The following XRN1 variants were observed in gnomAD, a reference collection of about 807,000 sequenced individuals.
XRN1 encodes strand-exchange protein 1 homolog.
XRN1 carries 67 observed loss-of-function variants against 222.3 expected under a neutral mutation model. The ratio of observed to expected loss-of-function variants is 0.30; its 90% CI spans 0.25 to 0.37. The LOEUF (loss-of-function observed/expected upper bound fraction) is 0.37. Among genes scored for constraint, XRN1 ranks in the 10% least tolerant of loss-of-function variants. The pLI is 1.00. For missense variants in XRN1, 1,707 were observed against 2,000.2 expected, an observed-to-expected ratio of 0.85 and a Z score of 2.80; for synonymous variants, 643 against 652.4, an observed-to-expected ratio of 0.99 and a Z score of 0.22.
rs543667552 is a variant in XRN1 at position 142,325,101 on chromosome 3, T to C, written c.4404+4333A>G. Among the ~76,000 whole-genome samples, 5 of 152,296 alleles carry C rather than the reference T, an allele frequency of 3.3e-5. 1 individual carries two copies. In the East Asian group the frequency reaches 9.6e-4, roughly 29 times the overall value. On this transcript the variant is annotated intron_variant, in intron 37 of 40. Coordinates refer to ENST00000392981, the MANE Select transcript of XRN1 (RefSeq NM_001282857.2). Reference sequence around the variant, plus strand: ...ACCCAGCAGTGGAATTGCTGGATCATATGGTAGGTCTATTTTTATCTTTTT... The same window carrying C: ...ACCCAGCAGTGGAATTGCTGGATCACATGGTAGGTCTATTTTTATCTTTTT...
intron 26 of XRN1, among the ~76,000 whole-genome samples, chr3:142,370,880 A>C (rs935437745): frequency 6.6e-6 from 1 of 151,678 alleles, no homozygotes; most frequent in Non-Finnish European, 1.5e-5. Flanking sequence ...GCAAAAAAAC[A>C]AAACAAAACA....
At chr3:142,332,024 C>A (rs968829989) in intron 36 of XRN1, among the ~76,000 whole-genome samples, 1 of 152,192 alleles carries the variant, frequency 6.6e-6, no homozygotes, top group Non-Finnish European at 1.5e-5. Flanking sequence ...GATCCGCCTG[C>A]CTCAGCTTCC....
intron 1 of XRN1, among the ~76,000 whole-genome samples, chr3:142,445,128 T>C (rs2108222445): frequency 6.6e-6 from 1 of 152,326 alleles, no homozygotes; most frequent in South Asian, 2.1e-4. Context: ...ATTTCATCTT[T>C]CCACTGCCGA....
chr3:142,328,819 C>T (rs1306647014), intron 37 of XRN1, among the ~76,000 whole-genome samples: 2 of 136,276 alleles, frequency 1.5e-5, no homozygotes, highest in East Asian at 4.6e-4. Context: ...AGTGCAATGG[C>T]ATAATCGTGG....
chr3:142,424,829 T>G (rs1353428159), intron 5 of XRN1, among the ~76,000 whole-genome samples: 1 of 147,976 alleles, frequency 6.8e-6, no homozygotes, highest in Non-Finnish European at 1.5e-5. Flanking sequence ...CTATTTTTGT[T>G]TATGCTTGAA....
At chr3:142,400,579 A>G (rs764524354) in intron 18 of XRN1, 32 bp from the exon 19 acceptor site, 2 of 1,567,954 alleles carry the variant, frequency 1.3e-6, no homozygotes, top group East Asian at 2.2e-5. Flanking sequence ...TTCATTCATG[A>G]TTTCAGGTCT....
At chr3:142,401,892 T>C (rs1577369223) in intron 18 of XRN1, among the ~76,000 whole-genome samples, 1 of 152,334 alleles carries the variant, frequency 6.6e-6, no homozygotes, top group Non-Finnish European at 1.5e-5. Context: ...CAGATCTTAT[T>C]TGAGTTTTTA....
intron 18 of XRN1, among the ~76,000 whole-genome samples, chr3:142,401,102 T>C (rs2068112134): frequency 6.6e-6 from 1 of 152,134 alleles, no homozygotes. Context: ...TCATATCAAA[T>C]AGTCAATTAT....
At position 142,423,581 on chromosome 3, in the gene XRN1, A is replaced by C. The variant is rs2069126522; in HGVS notation, c.689T>G (p.Phe230Cys). Residue 230 changes from phenylalanine (F) to cysteine (C), a missense_variant, in exon 6 of 41, where the codon TTT becomes TGT. By Grantham distance (205) the Phe-to-Cys change is radical. Coordinates refer to ENST00000392981, the MANE Select transcript of XRN1 (RefSeq NM_001282857.2). ...HFSLLREEVR[F>C]GGKKTQRVCA... Reference sequence around the variant, plus strand: ...TTACCGTTGTGTTTTTTTGCCACCAAATCGAACTTCTTCTCTTAAGAGAGA... The same window carrying C: ...TTACCGTTGTGTTTTTTTGCCACCACATCGAACTTCTTCTCTTAAGAGAGA... 6.2e-7 allele frequency: 1 copy of C among 1,600,926 alleles called. No individual in the cohort carries two copies. Among genetic ancestry groups the C allele is most frequent in the Admixed American group, 1.7e-5 (1 of 57,528 alleles).
At chr3:142,329,699 G>C in intron 36 of XRN1, 84 bp from the exon 37 acceptor site, 1 of 1,341,484 alleles carries the variant, frequency 7.5e-7, no homozygotes, top group Non-Finnish European at 9.9e-7. Flanking sequence ...TTATAGAAGA[G>C]CAAGCAGGAA....
At chr3:142,357,385 A>C (rs1447848521) in intron 30 of XRN1, among the ~76,000 whole-genome samples, 2 of 152,150 alleles carry the variant, frequency 1.3e-5, no homozygotes, top group East Asian at 3.9e-4. Context: ...GTCGTTAAGA[A>C]GCTTGCATCT....
Position 142,432,759 on chromosome 3 carries a change from C to T in XRN1, c.210G>A (p.Val70=), listed in dbSNP as rs1452214841. ...IFTDIFHYLE[V]LFRIIKPRKV... ...TCCTGGGTTTAATAATGCGAAACAA[C>T]ACCTCCAGGTAGTGAAAAATATCAG... Residue 70 remains valine (V), a synonymous_variant, in exon 2 of 41, where the codon GTG becomes GTA. Coordinates refer to ENST00000392981, the MANE Select transcript of XRN1 (RefSeq NM_001282857.2). 21 of 1,613,724 alleles carry T rather than the reference C, an allele frequency of 1.3e-5. No homozygotes were observed. The highest frequency in any genetic ancestry group is 1.7e-5 in the Non-Finnish European group (20 of 1,179,976).
Position 142,365,344 on chromosome 3 carries a change from A to G in XRN1, c.3227T>C (p.Val1076Ala), listed in dbSNP as rs1230319422. The change falls in exon 28 of 41, where the codon GTG becomes GCG. Residue 1076 changes from valine to alanine, a missense_variant. Around this residue, in one of 2 missense-constraint regions of XRN1, gnomAD observed 1,234 missense variants for 1,518.2 expected, o/e 0.81. Transcript: ENST00000392981. ...CAAATGGGGTTTCACTGTTACTCGC[A>G]CCTTCTTATTATTCTTTCTTTGCTG... is the stretch of plus-strand genomic sequence containing the variant. ...KCKQRKNNKKVRVTVKPHLLY... is the reference protein window; with the variant it reads ...KCKQRKNNKKARVTVKPHLLY... 3 of 1,575,362 alleles carry G rather than the reference A, an allele frequency of 1.9e-6. No individual in the cohort carries two copies. The South Asian group carries it at 3.7e-5, about 19-fold the overall frequency.
At chr3:142,332,558 A>G in intron 35 of XRN1, 24 bp from the exon 36 acceptor site, 4 of 1,592,900 alleles carry the variant, frequency 2.5e-6, no homozygotes, top group Middle Eastern at 1.7e-4. Context: ...ATTCACATGG[A>G]GATGGTGAGG....
chr3:142,366,642 C>T (rs1420534517), intron 27 of XRN1, among the ~76,000 whole-genome samples: 1 of 152,056 alleles, frequency 6.6e-6, no homozygotes, highest in East Asian at 1.9e-4. Flanking sequence ...GGAGACATTA[C>T]AATTTTAATA....
chr3:142,377,522 C>A (rs1224477268), intron 23 of XRN1, among the ~76,000 whole-genome samples: 4 of 152,150 alleles, frequency 2.6e-5, no homozygotes, highest in Admixed American at 6.5e-5. Flanking sequence ...GCTACTAGCA[C>A]TTAATGCCCT....
Position 142,310,147 on chromosome 3 carries a change from A to G in XRN1, c.*1364T>C, listed in dbSNP as rs2065046801. ...TTAGTGAAAGGAGTCCATTTAGTTT[A>G]ATACCAGCATTTTAAAAAACAAGTA... On this transcript the variant is annotated 3_prime_UTR_variant, in exon 41 of 41. Transcript: ENST00000392981. The G allele has an allele frequency of 6.6e-6, 1 of 152,634 alleles. No individual in the cohort carries two copies. Among genetic ancestry groups the G allele is most frequent in the Admixed American group, 6.5e-5 (1 of 15,278 alleles). The allele number at this position is 152,634 out of a possible 1,614,324, so 9.5% of individuals were successfully genotyped here.
chr3:142,407,991 C>T (rs1392335125), intron 15 of XRN1, among the ~76,000 whole-genome samples: 1 of 152,212 alleles, frequency 6.6e-6, no homozygotes, highest in Non-Finnish European at 1.5e-5. Context: ...CTCATCACTT[C>T]CAGCACAGAA....
chr3:142,416,633 T>A (rs891462904), intron 13 of XRN1, among the ~76,000 whole-genome samples: 4 of 152,214 alleles, frequency 2.6e-5, no homozygotes, highest in African/African-American at 9.6e-5. Flanking sequence ...GAACATTAAA[T>A]CTTTACATTA....
Sources: allele counts gnomAD v4.1 joint callset (sites outside exome capture counted in the v4.1 genomes callset), GRCh38; gene constraint gnomAD v4.1.1; regional missense constraint gnomAD v4.1.1; transcripts MANE v1.5; gene names NCBI Gene and HGNC (gene_info 2026-07-23, HGNC 2026-07-21).